Variants in RAVER2 observed in about 807,000 individuals in gnomAD.
The protein encoded by RAVER2 is ribonucleoprotein PTB-binding 2.
Under a neutral mutation model 78.1 loss-of-function variants are expected in RAVER2, and 46 were observed. That is an observed-to-expected ratio of 0.59 (90% CI 0.46 to 0.75). The LOEUF is 0.75. Among genes scored for constraint, RAVER2 ranks in the 30% least tolerant of loss-of-function variants. The pLI is 0.00. For missense variants in RAVER2, 793 were observed against 837.5 expected (o/e 0.95, Z 0.66); for synonymous variants, 311 against 313.3 (o/e 0.99, Z 0.08).
At chr1:64,780,649 G>A (rs1652601890) in intron 3 of RAVER2, among the ~76,000 whole-genome samples, 2 of 152,272 alleles carry the variant, frequency 1.3e-5, no homozygotes, top group South Asian at 4.1e-4. Flanking sequence ...ATTCAGACGT[G>A]TTCAAAACCT....
intron 4 of RAVER2, 126 bp downstream of exon 4, chr1:64,781,697 A>G: frequency 2.1e-6 from 2 of 946,536 alleles, no homozygotes; most frequent in Non-Finnish European, 3.0e-6. Flanking sequence ...CATCACACTG[A>G]AGACTTTTCC....
intron 10 of RAVER2, among the ~76,000 whole-genome samples, chr1:64,814,254 C>T: frequency 6.6e-6 from 1 of 151,994 alleles, no homozygotes; most frequent in East Asian, 1.9e-4. Context: ...ACCACCATTC[C>T]TGGCAAATTT....
intron 1 of RAVER2, among the ~76,000 whole-genome samples, chr1:64,755,206 T>A (rs1315801060): frequency 6.6e-6 from 1 of 152,220 alleles, no homozygotes; most frequent in Non-Finnish European, 1.5e-5. Flanking sequence ...GTCTTCACAA[T>A]AAGTATCCTG....
intron 3 of RAVER2, among the ~76,000 whole-genome samples, chr1:64,778,620 G>C (rs1001310574): frequency 6.6e-6 from 1 of 151,932 alleles, no homozygotes; most frequent in African/African-American, 2.4e-5. Context: ...GAGACATCTA[G>C]AGAAGATCCT....
chr1:64,782,285 A>G (rs1255057764), intron 4 of RAVER2, among the ~76,000 whole-genome samples: 1 of 152,238 alleles, frequency 6.6e-6, no homozygotes, highest in Non-Finnish European at 1.5e-5. Context: ...TTCCTTCTTT[A>G]TAGTAACTGT....
rs1303061670 is a variant in RAVER2 at position 64,825,833 on chromosome 1, GA to G, written c.1930-5002del. Among the ~76,000 whole-genome samples, 5 of 151,710 alleles carry G rather than the reference GA, an allele frequency of 3.3e-5. No homozygotes were observed. In the South Asian group the frequency reaches 6.4e-4, roughly 19 times the overall value. On this transcript the variant is annotated intron_variant, in intron 11 of 11. Transcript: ENST00000294428. ...AATAAAAAGATTTGCTTTAATAAAAGAAAATTAACTTTTTAAAATCCAAGAA... is the reference window on the plus strand; with the variant it reads ...AATAAAAAGATTTGCTTTAATAAAAGAAATTAACTTTTTAAAATCCAAGAA...
chr1:64,769,668 A>C (rs1652263017), intron 2 of RAVER2, among the ~76,000 whole-genome samples: 1 of 152,014 alleles, frequency 6.6e-6, no homozygotes, highest in Non-Finnish European at 1.5e-5. Context: ...CCCTGTGCTA[A>C]AGTAATTGGG....
chr1:64,745,532 CCGAG>C lies in RAVER2; in HGVS notation c.249+112_249+115del. On this transcript the variant is annotated intron_variant, in intron 1 of 11. Transcript: ENST00000294428. The surrounding 1 kb of genome is among the most constrained non-coding windows in gnomAD (Gnocchi z 4.3). ...AGCGGTCCTGGGGAGTGGGTCGGCG[CCGAG>C]TGGTGAGAGCGGCCCCTCGGTTTGA... is the stretch of plus-strand genomic sequence containing the variant. 1 of 1,285,382 alleles carries C rather than the reference CCGAG, an allele frequency of 7.8e-7. No individual in the cohort carries two copies. 79.6% of individuals were successfully genotyped at this position (1,285,382 alleles called of 1,614,324 possible). A position where few individuals can be genotyped will look rare whatever the true frequency, so the allele number is the denominator to read the frequency against.
chr1:64,789,289 A>G, intron 4 of RAVER2, 99 bp from the exon 5 acceptor site: 3 of 1,011,366 alleles, frequency 3.0e-6, no homozygotes, highest in Non-Finnish European at 4.1e-6. Flanking sequence ...CATAAAATAG[A>G]TCTTGTCAGA....
At chr1:64,814,795 G>A in exon 11 of RAVER2, 2 of 1,588,616 alleles carry the variant, frequency 1.3e-6, no homozygotes, top group South Asian at 2.3e-5. Flanking sequence ...AACACGCATT[G>A]GAAAAGTGCA....
At chr1:64,829,644 A>C (rs984081260) in intron 11 of RAVER2, among the ~76,000 whole-genome samples, 2 of 152,188 alleles carry the variant, frequency 1.3e-5, no homozygotes, top group African/African-American at 4.8e-5. Context: ...AACTTACGGC[A>C]GGTCTCCTTT....
At chr1:64,807,047 A>C (rs1653434954) in intron 8 of RAVER2, among the ~76,000 whole-genome samples, 159 bp from the exon 9 acceptor site, 1 of 152,194 alleles carries the variant, frequency 6.6e-6, no homozygotes, top group Admixed American at 6.5e-5. Flanking sequence ...TCATAAAGGA[A>C]CCCACTAATT....
intron 5 of RAVER2, among the ~76,000 whole-genome samples, chr1:64,801,000 T>G (rs1452987126): frequency 2.0e-5 from 3 of 151,554 alleles, no homozygotes; most frequent in African/African-American, 7.3e-5. Context: ...CATAGTACAG[T>G]GTTTTTTTAT....
At chr1:64,820,912 G>T (rs750291912) in intron 11 of RAVER2, among the ~76,000 whole-genome samples, 9 of 152,150 alleles carry the variant, frequency 5.9e-5, no homozygotes, top group Non-Finnish European at 1.3e-4. Context: ...ATTCCTCTGG[G>T]TATATACCCA....
rs1651979310 is a variant in RAVER2, at chr1:64,760,090, A to AAAAT, written c.250-8565_250-8564insAATA. On this transcript the variant is annotated intron_variant, in intron 1 of 11. Coordinates refer to ENST00000294428, the Ensembl canonical transcript of RAVER2. ...TTAAAATATGGATGATAGCTGCTGT[A>AAAAT]AGGGTTGTGATGTGGAAAAAAAAAA... Among the ~76,000 whole-genome samples, 12 of 150,686 alleles carry AAAAT rather than the reference A, an allele frequency of 8.0e-5. No homozygotes were observed. In the South Asian group the frequency reaches 2.5e-3, roughly 32 times the overall value.
chr1:64,827,783 A>G (rs747547686), intron 11 of RAVER2, among the ~76,000 whole-genome samples: 1 of 152,232 alleles, frequency 6.6e-6, no homozygotes, highest in Admixed American at 6.5e-5. Context: ...AATAGGGACA[A>G]GTTCAATAGC....
rs547478191 is a variant in RAVER2 at position 64,746,066 on chromosome 1, G to A, written c.249+645G>A. ...CTGGAGGGTTTGTTCTCAGTGACTT[G>A]GATGAGGTTTAAAGATAGCTACTCT... On this transcript the variant is annotated intron_variant, in intron 1 of 11. Coordinates refer to ENST00000294428, the Ensembl canonical transcript of RAVER2. Among the ~76,000 whole-genome samples, 7 of 152,328 alleles carry A rather than the reference G, an allele frequency of 4.6e-5. No homozygotes were observed. In the South Asian group the frequency reaches 1.5e-3, roughly 32 times the overall value.
exon 3 of RAVER2, chr1:64,777,700 G>T (rs781074957): frequency 6.8e-6 from 11 of 1,614,010 alleles, no homozygotes; most frequent in Non-Finnish European, 9.3e-6. Flanking sequence ...TAGAGGAAAA[G>T]ACTTAATAGT....
chr1:64,805,946 A>G (rs2100875953), intron 8 of RAVER2, among the ~76,000 whole-genome samples: 1 of 152,342 alleles, frequency 6.6e-6, no homozygotes, highest in East Asian at 1.9e-4. Flanking sequence ...TGTTGGATTA[A>G]CTAATAAATT....
Sources: gnomAD v4.1 joint callset for allele counts (sites outside exome capture counted in the v4.1 genomes callset) on GRCh38, gnomAD v4.1.1 for gene constraint, Gnocchi (gnomAD v3.1) non-coding constraint, MANE v1.5 for transcripts, NCBI Gene and HGNC (gene_info 2026-07-23, HGNC 2026-07-21) for gene names.